The following DPYD variants were observed in gnomAD, a reference collection of about 807,000 sequenced individuals.
The protein encoded by DPYD is dihydropyrimidine dehydrogenase [NADP(+)].
DPYD carries 109 observed loss-of-function variants against 116.2 expected under a neutral mutation model. That is an observed-to-expected ratio of 0.94 (90% CI 0.80 to 1.10). The LOEUF is 1.10. Among genes scored for constraint, DPYD ranks in the 50% least tolerant of loss-of-function variants. The probability of loss-of-function intolerance (pLI) is 0.00; values close to 1 mark genes in which losing one functional copy is unlikely to be tolerated. For missense variants in DPYD, 1,302 were observed against 1,254.5 expected, an observed-to-expected ratio of 1.04 and a Z score of -0.57; for synonymous variants, 440 against 432.0, an observed-to-expected ratio of 1.02 and a Z score of -0.23.
chr1:97,407,354 T>G (rs1469165992), intron 14 of DPYD, among the ~76,000 whole-genome samples: 1 of 152,192 alleles, frequency 6.6e-6, no homozygotes, highest in African/African-American at 2.4e-5. Flanking sequence ...AATACTTATT[T>G]TAATAATTTT....
At chr1:97,837,244 C>T (rs1204515694) in intron 2 of DPYD, among the ~76,000 whole-genome samples, 2 of 152,058 alleles carry the variant, frequency 1.3e-5, no homozygotes, top group Non-Finnish European at 2.9e-5. Flanking sequence ...ATTCCACTCT[C>T]TGTTGTTTCA....
intron 2 of DPYD, among the ~76,000 whole-genome samples, chr1:97,841,596 G>A (rs1049829917): frequency 1.3e-5 from 2 of 151,778 alleles, no homozygotes; most frequent in East Asian, 1.9e-4. Flanking sequence ...AATGATAATC[G>A]CCTCATTGCT....
At chr1:97,453,352 T>C (rs1347773741) in intron 13 of DPYD, among the ~76,000 whole-genome samples, 1 of 152,158 alleles carries the variant, frequency 6.6e-6, no homozygotes, top group African/African-American at 2.4e-5. Context: ...GGGTATTTCC[T>C]AGCTAATGAG....
chr1:97,699,679 A>G (rs944892680), intron 5 of DPYD, 132 bp from the exon 6 acceptor site: 8 of 868,646 alleles, frequency 9.2e-6, no homozygotes, highest in Non-Finnish European at 1.3e-5. Context: ...AATATGGTAT[A>G]CTTACAACTT....
intron 3 of DPYD, among the ~76,000 whole-genome samples, chr1:97,778,434 G>A (rs941032696): frequency 6.6e-6 from 1 of 151,912 alleles, no homozygotes; most frequent in Non-Finnish European, 1.5e-5. Flanking sequence ...AGTTTGCAAA[G>A]CTAATGAGTG....
rs1452033018 is a variant in DPYD at position 97,361,357 on chromosome 1, C to T, written c.2058+12204G>A. 3.3e-5 allele frequency among the ~76,000 whole-genome samples: 5 copies of T among 152,156 alleles called. No homozygotes were observed. The South Asian group carries it at 8.3e-4, about 25-fold the overall frequency. The stretch of plus-strand genomic sequence containing the variant: ...AGTCCAGGACCAGACAGATTCACAG[C>T]CGAATTCTACCAGAGGTACAAAGAG... On this transcript the variant is annotated intron_variant, in intron 16 of 22. Coordinates refer to ENST00000370192, the MANE Select transcript of DPYD (RefSeq NM_000110.4).
chr1:97,419,755 T>C (rs1306755224), intron 14 of DPYD, among the ~76,000 whole-genome samples: 1 of 152,206 alleles, frequency 6.6e-6, no homozygotes, highest in East Asian at 1.9e-4. Flanking sequence ...GGTTTATACC[T>C]ATGTTGGCAA....
At chr1:97,570,561 T>C (rs1163095646) in intron 11 of DPYD, among the ~76,000 whole-genome samples, 1 of 151,980 alleles carries the variant, frequency 6.6e-6, no homozygotes, top group Admixed American at 6.6e-5. Context: ...TATACCATAG[T>C]ATAAGATAAC....
intron 8 of DPYD, among the ~76,000 whole-genome samples, chr1:97,656,704 C>A (rs1364275187): frequency 6.6e-6 from 1 of 152,082 alleles, no homozygotes; most frequent in African/African-American, 2.4e-5. Context: ...TATAGAGATA[C>A]ACTTGCATTT....
chr1:97,355,595 T>G (rs1398519546), intron 16 of DPYD, among the ~76,000 whole-genome samples: 2 of 152,188 alleles, frequency 1.3e-5, no homozygotes, highest in Non-Finnish European at 2.9e-5. Flanking sequence ...ACCCCGAGCT[T>G]CTGGTAATCA....
chr1:97,841,234 T>C (rs1455084803), intron 2 of DPYD, among the ~76,000 whole-genome samples: 1 of 152,070 alleles, frequency 6.6e-6, no homozygotes, highest in Non-Finnish European at 1.5e-5. Flanking sequence ...TTACATGTGA[T>C]GAAAATTACA....
chr1:97,452,741 C>A (rs1676486450), intron 13 of DPYD, among the ~76,000 whole-genome samples: 1 of 151,976 alleles, frequency 6.6e-6, no homozygotes, highest in African/African-American at 2.4e-5. Flanking sequence ...TCCCCTCTTT[C>A]TCTTGCTCCT....
At chr1:97,812,747 A>C (rs1158662409) in intron 3 of DPYD, among the ~76,000 whole-genome samples, 1 of 152,122 alleles carries the variant, frequency 6.6e-6, no homozygotes, top group Non-Finnish European at 1.5e-5. Context: ...GCATACAATG[A>C]TTCAGGTATG....
intron 14 of DPYD, among the ~76,000 whole-genome samples, chr1:97,404,374 G>GA (rs148600084): frequency 0.026 from 4,023 of 152,100 alleles, 175 homozygotes; most frequent in African/African-American, 0.093. Flanking sequence ...GTCCATTTCT[G>GA]ACAGAGAAGT....
intron 8 of DPYD, among the ~76,000 whole-genome samples, chr1:97,607,125 C>A (rs546218855): frequency 6.6e-6 from 1 of 151,840 alleles, no homozygotes; most frequent in Non-Finnish European, 1.5e-5. Context: ...ATTACAGTAA[C>A]TTAAATGAGA....
At chr1:97,912,246 T>C (rs1414227906) in intron 1 of DPYD, among the ~76,000 whole-genome samples, 1 of 152,102 alleles carries the variant, frequency 6.6e-6, no homozygotes, top group Non-Finnish European at 1.5e-5. Context: ...GCCAACACTC[T>C]CAAGTGTATT....
intron 4 of DPYD, among the ~76,000 whole-genome samples, chr1:97,725,114 A>C (rs1663171012): frequency 6.6e-6 from 1 of 151,802 alleles, no homozygotes; most frequent in African/African-American, 2.4e-5. Flanking sequence ...CTTACAGGAT[A>C]CAAGATTAAA....
intron 12 of DPYD, among the ~76,000 whole-genome samples, chr1:97,540,077 T>C (rs1299458500): frequency 6.6e-6 from 1 of 152,042 alleles, no homozygotes; most frequent in South Asian, 2.1e-4. Context: ...AGCAATCAAT[T>C]CTGTAGTGGA....
chr1:97,336,587 A>G (rs1669295370), intron 16 of DPYD, among the ~76,000 whole-genome samples: 1 of 152,156 alleles, frequency 6.6e-6, no homozygotes, highest in African/African-American at 2.4e-5. Flanking sequence ...TGTCTCTACT[A>G]AAAATACAAA....
Sources: gnomAD v4.1 joint callset for allele counts (sites outside exome capture counted in the v4.1 genomes callset) on GRCh38, gnomAD v4.1.1 for gene constraint, MANE v1.5 for transcripts, NCBI Gene and HGNC (gene_info 2026-07-23, HGNC 2026-07-21) for gene names.